SLC2A13: variants seen among roughly 807,000 people sequenced by gnomAD.
SLC2A13 encodes the protein proton myo-inositol cotransporter.
SLC2A13 carries 32 observed loss-of-function variants against 64.4 expected under a neutral mutation model. That is an observed-to-expected ratio of 0.50 (90% CI 0.37 to 0.67). The LOEUF (loss-of-function observed/expected upper bound fraction) is 0.67, where lower values mean the gene tolerates loss of function less well. SLC2A13 is among the 30% of genes least tolerant of loss of function. SLC2A13 has a pLI of 0.00. For missense variants in SLC2A13, 743 were observed against 829.2 expected (o/e 0.90, Z 1.28); for synonymous variants, 338 against 327.1 (o/e 1.03, Z -0.36).
intron 4 of SLC2A13, among the ~76,000 whole-genome samples, chr12:39,939,816 A>T (rs1483310745): frequency 6.6e-6 from 1 of 152,208 alleles, no homozygotes; most frequent in East Asian, 1.9e-4. Flanking sequence ...GAAAGGCTTA[A>T]AGTATTACTA....
intron 7 of SLC2A13, among the ~76,000 whole-genome samples, chr12:39,828,848 A>G (rs771874045): frequency 6.6e-6 from 1 of 152,160 alleles, no homozygotes; most frequent in Non-Finnish European, 1.5e-5. Flanking sequence ...TATTTTTAAA[A>G]GAAACTCTTT....
intron 1 of SLC2A13, among the ~76,000 whole-genome samples, chr12:40,095,973 C>T (rs1369491406): frequency 6.6e-6 from 1 of 152,082 alleles, no homozygotes; most frequent in Non-Finnish European, 1.5e-5. Context: ...CTCGCTCTGT[C>T]GCCCAGGCTG....
intron 1 of SLC2A13, among the ~76,000 whole-genome samples, chr12:40,083,607 A>G (rs1158735852): frequency 2.6e-5 from 4 of 152,162 alleles, no homozygotes; most frequent in African/African-American, 9.7e-5. Flanking sequence ...GAGAAAAAGG[A>G]AAAAAAGGAT....
At chr12:39,855,125 A>G (rs978351960) in intron 6 of SLC2A13, among the ~76,000 whole-genome samples, 5 of 152,248 alleles carry the variant, frequency 3.3e-5, no homozygotes, top group Non-Finnish European at 5.9e-5. Flanking sequence ...AATACCATTT[A>G]CATTCACTAT....
intron 7 of SLC2A13, among the ~76,000 whole-genome samples, chr12:39,822,142 T>A (rs919105279): frequency 6.8e-6 from 1 of 146,742 alleles, no homozygotes; most frequent in Non-Finnish European, 1.5e-5. Context: ...ATTGTTCAAT[T>A]CCCACCTATG....
chr12:39,833,326 C>T (rs1313942638), intron 6 of SLC2A13, among the ~76,000 whole-genome samples: 3 of 152,038 alleles, frequency 2.0e-5, no homozygotes, highest in Admixed American at 1.3e-4. Flanking sequence ...ATATAGATCC[C>T]CTGTGGAGAT....
intron 7 of SLC2A13, among the ~76,000 whole-genome samples, chr12:39,826,854 ATTTTT>A (rs63699664): frequency 1.5e-5 from 1 of 67,416 alleles, no homozygotes; most frequent in African/African-American, 7.0e-5. Flanking sequence ...GTCTCTTTCA[ATTTTT>A]TTTTTTTTTT....
At chr12:39,979,543 C>T (rs1347652821) in intron 3 of SLC2A13, among the ~76,000 whole-genome samples, 13 of 148,892 alleles carry the variant, frequency 8.7e-5, no homozygotes, top group African/African-American at 2.7e-4. Context: ...CCTCAGGAGC[C>T]GATGCGATCA....
intron 1 of SLC2A13, among the ~76,000 whole-genome samples, chr12:40,065,924 A>T (rs1937700771): frequency 6.6e-6 from 1 of 152,318 alleles, no homozygotes; most frequent in Admixed American, 6.5e-5. Flanking sequence ...CAAAACATCC[A>T]AGGTCACACA....
At chr12:39,998,155 T>G (rs1299252501) in intron 3 of SLC2A13, among the ~76,000 whole-genome samples, 1 of 152,096 alleles carries the variant, frequency 6.6e-6, no homozygotes, top group African/African-American at 2.4e-5. Flanking sequence ...ATAAAGAAAT[T>G]GTGGTATGTA....
intron 3 of SLC2A13, among the ~76,000 whole-genome samples, chr12:39,957,630 C>T (rs539998048): frequency 9.9e-5 from 15 of 152,226 alleles, no homozygotes; most frequent in Admixed American, 5.9e-4. Context: ...ATTACAAAAA[C>T]GAGCCACACT....
chr12:39,979,163 A>T (rs1400521554), intron 3 of SLC2A13, among the ~76,000 whole-genome samples: 1 of 146,432 alleles, frequency 6.8e-6, no homozygotes, highest in Non-Finnish European at 1.5e-5. Flanking sequence ...CACACCAAAA[A>T]CCCATCTGTA....
intron 6 of SLC2A13, among the ~76,000 whole-genome samples, chr12:39,837,385 C>T (rs1372437464): frequency 7.4e-6 from 1 of 135,880 alleles, no homozygotes; most frequent in Non-Finnish European, 1.6e-5. Context: ...ACCATAAAAA[C>T]CCTAGAAGAA....
intron 1 of SLC2A13, among the ~76,000 whole-genome samples, chr12:40,056,387 G>T (rs192731800): frequency 6.6e-6 from 1 of 152,254 alleles, no homozygotes; most frequent in African/African-American, 2.4e-5. Flanking sequence ...TGATATTCAA[G>T]AAATTTCCTA....
intron 4 of SLC2A13, among the ~76,000 whole-genome samples, chr12:39,873,131 GAA>G (rs1944097592): frequency 6.6e-6 from 1 of 151,928 alleles, no homozygotes. Flanking sequence ...CATTCATCTT[GAA>G]AAAAAGTGTT....
chr12:39,774,584 C>CTTTTTTTTTTTTTTTTTTT (rs11322999), intron 7 of SLC2A13, among the ~76,000 whole-genome samples: 1 of 130,268 alleles, frequency 7.7e-6, no homozygotes, highest in Non-Finnish European at 1.7e-5. Flanking sequence ...ATTGTCCAGC[C>CTTTTTTTTTTTTTTTTTTT]TTTTTTTTTT....
intron 7 of SLC2A13, among the ~76,000 whole-genome samples, chr12:39,778,230 A>G (rs1278974615): frequency 6.6e-6 from 1 of 152,222 alleles, no homozygotes; most frequent in Non-Finnish European, 1.5e-5. Context: ...TATAGAGGGC[A>G]CAAATCAAGT....
At chr12:39,896,766 A>G (rs1944931260) in intron 4 of SLC2A13, among the ~76,000 whole-genome samples, 1 of 152,102 alleles carries the variant, frequency 6.6e-6, no homozygotes, top group South Asian at 2.1e-4. Context: ...TATTTTTCAC[A>G]TAATCAAAAG....
At chr12:39,944,688 G>A (rs1329244119) in intron 4 of SLC2A13, among the ~76,000 whole-genome samples, 1 of 152,160 alleles carries the variant, frequency 6.6e-6, no homozygotes, top group African/African-American at 2.4e-5. Flanking sequence ...GTGTCCATTT[G>A]CATGAAATGC....
Sources: allele counts gnomAD v4.1 joint callset (sites outside exome capture counted in the v4.1 genomes callset), GRCh38; gene constraint gnomAD v4.1.1; transcripts MANE v1.5; gene names NCBI Gene and HGNC (gene_info 2026-07-23, HGNC 2026-07-21).